RNLS: variants seen among roughly 807,000 people sequenced by gnomAD.
The protein encoded by RNLS is renalase.
Under a neutral mutation model 39.8 loss-of-function variants are expected in RNLS, and 39 were observed. The observed-to-expected ratio is 0.98, with a 90% CI of 0.76 to 1.28. The LOEUF (loss-of-function observed/expected upper bound fraction) is 1.28. Ranked by LOEUF, RNLS falls within the 50% of genes most tolerant of loss-of-function variation. The pLI, the probability that RNLS is intolerant of heterozygous loss-of-function variation, is 0.00. For missense variants in RNLS, 410 were observed against 413.3 expected (o/e 0.99, Z 0.07); for synonymous variants, 147 against 150.7 (o/e 0.98, Z 0.18).
At chr10:88,326,814 G>A (rs1323390219) in intron 5 of RNLS, among the ~76,000 whole-genome samples, 1 of 152,294 alleles carries the variant, frequency 6.6e-6, no homozygotes, top group Non-Finnish European at 1.5e-5. Context: ...AAGCAGCTGG[G>A]AGGAGGGCTG....
intron 4 of RNLS, among the ~76,000 whole-genome samples, chr10:88,377,985 C>A (rs1191081821): frequency 1.3e-5 from 2 of 148,672 alleles, no homozygotes; most frequent in African/African-American, 5.0e-5. Flanking sequence ...TTTTTTTTTA[C>A]TTTTTAAGCT....
chr10:88,281,325 GA>G (rs2132607783), downstream of RNLS, among the ~76,000 whole-genome samples: 1 of 152,292 alleles, frequency 6.6e-6, no homozygotes, highest in Admixed American at 6.5e-5. Context: ...GTATTTGACT[GA>G]GGCGTCTCTG....
chr10:88,363,860 C>G (rs1452286557), intron 4 of RNLS, among the ~76,000 whole-genome samples: 2 of 152,092 alleles, frequency 1.3e-5, no homozygotes, highest in Non-Finnish European at 2.9e-5. Context: ...AATAATAGTA[C>G]AGAATGCATT....
chr10:88,491,385 G>C (rs1254039174), intron 4 of RNLS, among the ~76,000 whole-genome samples: 1 of 152,162 alleles, frequency 6.6e-6, no homozygotes, highest in Non-Finnish European at 1.5e-5. Context: ...ATTGCCCGTA[G>C]TGGACAGGCT....
chr10:88,180,567 A>G, the RNLS span, among the ~76,000 whole-genome samples: 2 of 152,224 alleles, frequency 1.3e-5, no homozygotes, highest in African/African-American at 2.4e-5. Context: ...GAAAACTTTA[A>G]TTTAAAAAAT....
At chr10:88,247,469 T>C in the RNLS span, among the ~76,000 whole-genome samples, 1 of 152,206 alleles carries the variant, frequency 6.6e-6, no homozygotes, top group Admixed American at 6.5e-5. Context: ...TGGCATTGAG[T>C]GCCCAGTCTG....
chr10:88,355,532 T>G (rs1849091100), intron 5 of RNLS, among the ~76,000 whole-genome samples: 1 of 152,178 alleles, frequency 6.6e-6, no homozygotes, highest in Non-Finnish European at 1.5e-5. Context: ...CAGGGAATAT[T>G]GCTGAACAGC....
At chr10:88,567,694 ATAT>A (rs1428144629) in intron 4 of RNLS, among the ~76,000 whole-genome samples, 2 of 152,196 alleles carry the variant, frequency 1.3e-5, no homozygotes, top group Non-Finnish European at 2.9e-5. Flanking sequence ...AATTTCTTCT[ATAT>A]TATTATCACA....
At chr10:88,315,978 G>A (rs1029978066) in intron 5 of RNLS, among the ~76,000 whole-genome samples, 2 of 152,110 alleles carry the variant, frequency 1.3e-5, no homozygotes, top group Non-Finnish European at 2.9e-5. Context: ...ATAGGTGTGA[G>A]TCATGTTTTG....
intron 5 of RNLS, among the ~76,000 whole-genome samples, chr10:88,347,744 C>G (rs746785277): frequency 1.3e-5 from 2 of 152,134 alleles, no homozygotes; most frequent in Non-Finnish European, 2.9e-5. Context: ...ATTAATCCCT[C>G]TGGTCAAGCT....
rs556702064 is a variant in RNLS at position 88,434,146 on chromosome 10, C to T, written c.527-71421G>A. ...CAAAGATGTATAACTTTTGGAGCAT[C>T]GAGGCCATATTGGAAATCTTTTGCA... On this transcript the variant is annotated intron_variant, in intron 4 of 6. Coordinates refer to ENST00000331772, the MANE Select transcript of RNLS (RefSeq NM_001031709.3). Among the ~76,000 whole-genome samples the T allele has an allele frequency of 3.3e-5, 5 of 152,232 alleles. No individual in the cohort carries two copies. The South Asian group carries it at 6.2e-4, about 19-fold the overall frequency.
chr10:88,241,623 C>G, the RNLS span, among the ~76,000 whole-genome samples: 1 of 152,164 alleles, frequency 6.6e-6, no homozygotes, highest in Non-Finnish European at 1.5e-5. Flanking sequence ...GCCATTCATT[C>G]TTGACACCAC....
At chr10:88,368,811 A>G (rs1480665085) in intron 4 of RNLS, among the ~76,000 whole-genome samples, 3 of 152,100 alleles carry the variant, frequency 2.0e-5, no homozygotes, top group Non-Finnish European at 4.4e-5. Flanking sequence ...TAAGATAGAT[A>G]TTGAAAGTGG....
At chr10:88,544,960 A>C (rs1445640433) in intron 4 of RNLS, among the ~76,000 whole-genome samples, 1 of 152,142 alleles carries the variant, frequency 6.6e-6, no homozygotes, top group Non-Finnish European at 1.5e-5. Context: ...GTCTACCATA[A>C]AACCCATGTA....
chr10:88,277,000 C>G (rs972839860), intron 6 of RNLS, among the ~76,000 whole-genome samples: 7 of 152,118 alleles, frequency 4.6e-5, no homozygotes, highest in Non-Finnish European at 5.9e-5. Flanking sequence ...GATTATAAAC[C>G]ATGCTACTAT....
At chr10:88,208,060 TC>T in the RNLS span, among the ~76,000 whole-genome samples, 1 of 152,146 alleles carries the variant, frequency 6.6e-6, no homozygotes, top group Non-Finnish European at 1.5e-5. Context: ...TAGCAGCACA[TC>T]AAGCGACTGA....
At chr10:88,333,966 CTG>C (rs1847303922) in intron 5 of RNLS, among the ~76,000 whole-genome samples, 1 of 152,110 alleles carries the variant, frequency 6.6e-6, no homozygotes, top group African/African-American at 2.4e-5. Flanking sequence ...GTCTCCAGAG[CTG>C]TGAGCAATAA....
chr10:88,355,294 T>G (rs926550809), intron 5 of RNLS, among the ~76,000 whole-genome samples: 1 of 152,200 alleles, frequency 6.6e-6, no homozygotes, highest in African/African-American at 2.4e-5. Flanking sequence ...GGCGCTCTGA[T>G]TTTTAGAATT....
intron 4 of RNLS, among the ~76,000 whole-genome samples, chr10:88,564,979 C>T (rs889293839): frequency 6.6e-6 from 1 of 151,966 alleles, no homozygotes; most frequent in African/African-American, 2.4e-5. Context: ...CTAAAGGCTA[C>T]ATATGATTAG....
Sources: allele counts gnomAD v4.1 joint callset (sites outside exome capture counted in the v4.1 genomes callset), GRCh38; gene constraint gnomAD v4.1.1; transcripts MANE v1.5; gene names NCBI Gene and HGNC (gene_info 2026-07-23, HGNC 2026-07-21).